The following UGT1A8 variants were observed in gnomAD, a reference collection of about 807,000 sequenced individuals.
The protein encoded by UGT1A8 is UDP-glucuronosyltransferase 1A8.
In UGT1A8, 39 loss-of-function variants were observed where a neutral mutation model predicts 45.3. The ratio of observed to expected loss-of-function variants is 0.86; its 90% CI spans 0.67 to 1.12. UGT1A8 has a LOEUF of 1.12. Among genes scored for constraint, UGT1A8 ranks in the 50% most tolerant of loss-of-function variants. UGT1A8 has a pLI of 0.00. For missense variants in UGT1A8, 719 were observed against 664.9 expected (o/e 1.08, Z -0.90); for synonymous variants, 275 against 249.2 (o/e 1.10, Z -0.97).
chr2:233,722,391 C>T (rs1160586490), intron 1 of UGT1A8, among the ~76,000 whole-genome samples: 1 of 152,204 alleles, frequency 6.6e-6, no homozygotes, highest in African/African-American at 2.4e-5. Flanking sequence ...TCTTCTCCCT[C>T]TCTTTCTCCT....
chr2:233,767,743 A>G (rs543873419), intron 2 of UGT1A8, 106 bp from the exon 3 acceptor site: 2 of 1,585,594 alleles, frequency 1.3e-6, no homozygotes, highest in South Asian at 2.3e-5. Flanking sequence ...CACTCTGTTA[A>G]AGACTGTTCC....
intron 1 of UGT1A8, among the ~76,000 whole-genome samples, chr2:233,711,601 C>T (rs185037582): frequency 2.0e-5 from 3 of 152,298 alleles, no homozygotes; most frequent in Admixed American, 1.3e-4. Context: ...TTCCTGCCTG[C>T]GCCCTCTGGT....
At chr2:233,729,570 G>T (rs1300116271) in intron 1 of UGT1A8, 1 of 1,613,988 alleles carries the variant, frequency 6.2e-7, no homozygotes, top group Non-Finnish European at 8.5e-7. Flanking sequence ...CCTTTGATGT[G>T]GTTTTAACAG....
Position 233,692,066 on chromosome 2 carries a change from GGAGA to G in UGT1A8, c.855+73511_855+73514del, listed in dbSNP as rs570948190. On this transcript the variant is annotated intron_variant, in intron 1 of 4. Transcript: ENST00000373450. Reference sequence around the variant, plus strand: ...AACCCTTGCGATTAGAGGGAAGAAAGGAGAGAGAGATTGAAGATTGATTTGATCA... The same window carrying G: ...AACCCTTGCGATTAGAGGGAAGAAAGGAGAGATTGAAGATTGATTTGATCA... 4.2e-3 allele frequency: 635 copies of G among 152,292 alleles called. 4 individuals carry two copies. Among genetic ancestry groups the G allele is most frequent in the African/African-American group, 7.4e-3 (309 of 41,550 alleles). The allele number at this position is 152,292 out of a possible 1,614,324, so 9.4% of individuals were successfully genotyped here. A position where few individuals can be genotyped will look rare whatever the true frequency, so the allele number is the denominator to read the frequency against.
chr2:233,646,107 G>C (rs1254383304), intron 1 of UGT1A8, among the ~76,000 whole-genome samples: 3 of 152,156 alleles, frequency 2.0e-5, no homozygotes, highest in African/African-American at 4.8e-5. Flanking sequence ...AGCTGCCAAG[G>C]CTCGGCACTT....
intron 1 of UGT1A8, among the ~76,000 whole-genome samples, chr2:233,624,026 G>A (rs2073055275): frequency 1.3e-5 from 2 of 152,126 alleles, no homozygotes; most frequent in African/African-American, 4.8e-5. Flanking sequence ...TAGCAAGGTT[G>A]CAACAAATAG....
At chr2:233,691,718 G>T in intron 1 of UGT1A8, 1 of 898,996 alleles carries the variant, frequency 1.1e-6, no homozygotes, top group South Asian at 5.1e-5. Context: ...CTGGCAGATG[G>T]GTGGCTGGGC....
intron 1 of UGT1A8, among the ~76,000 whole-genome samples, chr2:233,677,328 T>C (rs922470813): frequency 6.6e-6 from 1 of 152,144 alleles, no homozygotes; most frequent in African/African-American, 2.4e-5. Flanking sequence ...TCATTGCTAG[T>C]ATAGTTGACC....
rs771993243 is a variant in UGT1A8 at position 233,755,018 on chromosome 2, C to G, written c.856-12016C>G. 2.3e-6 allele frequency: 3 copies of G among 1,302,150 alleles called. No homozygotes were observed. In the South Asian group the frequency reaches 3.5e-5, roughly 15 times the overall value. The allele number at this position is 1,302,150 out of a possible 1,614,324, so 80.7% of individuals were successfully genotyped here. ...AGCTGAAGACCTACTCGAAGGGGTCCTTGAAGGGCCTGCCGCCTGCGCAGC... is the reference window on the plus strand; with the variant it reads ...AGCTGAAGACCTACTCGAAGGGGTCGTTGAAGGGCCTGCCGCCTGCGCAGC... On this transcript the variant is annotated intron_variant, in intron 1 of 4. Transcript: ENST00000373450.
chr2:233,649,037 G>T, intron 1 of UGT1A8: 6 of 1,154,032 alleles, frequency 5.2e-6, no homozygotes, highest in Non-Finnish European at 7.1e-6. Flanking sequence ...GTAAGTCATT[G>T]CTCCTTTAGC....
intron 1 of UGT1A8, among the ~76,000 whole-genome samples, chr2:233,633,573 C>A (rs1361100796): frequency 6.6e-6 from 1 of 152,124 alleles, no homozygotes; most frequent in Non-Finnish European, 1.5e-5. Context: ...TCCATTTCTC[C>A]TAGAATGTCT....
intron 1 of UGT1A8, chr2:233,753,459 T>G (rs1411436879): frequency 6.6e-6 from 1 of 152,232 alleles, no homozygotes; most frequent in Non-Finnish European, 1.5e-5. Context: ...CCATGATTTT[T>G]CTGTAAAAAA....
At chr2:233,693,802 G>A (rs761878719) in intron 1 of UGT1A8, 25 of 1,613,988 alleles carry the variant, frequency 1.5e-5, no homozygotes, top group Admixed American at 1.0e-4. Context: ...ATCCTAGGCC[G>A]GTCATGCCCA....
At chr2:233,664,142 C>G (rs2074030284) in intron 1 of UGT1A8, among the ~76,000 whole-genome samples, 1 of 152,130 alleles carries the variant, frequency 6.6e-6, no homozygotes, top group South Asian at 2.1e-4. Flanking sequence ...GCTCAAGTTC[C>G]AAATAACTTC....
chr2:233,685,608 A>G (rs1180252725), intron 1 of UGT1A8, among the ~76,000 whole-genome samples: 1 of 152,228 alleles, frequency 6.6e-6, no homozygotes, highest in Non-Finnish European at 1.5e-5. Flanking sequence ...AAGATTATTT[A>G]TTTCAACTTT....
intron 1 of UGT1A8, chr2:233,682,115 C>T (rs2074558733): frequency 1.2e-6 from 2 of 1,614,154 alleles, no homozygotes; most frequent in Non-Finnish European, 1.7e-6. Flanking sequence ...CGTAGTCATG[C>T]CAGAGGTGAG....
chr2:233,744,158 C>T (rs1163100045), intron 1 of UGT1A8: 5 of 297,370 alleles, frequency 1.7e-5, no homozygotes, highest in Admixed American at 4.5e-5. Context: ...GACCAGGCCC[C>T]GCCCACTCCG....
intron 1 of UGT1A8, among the ~76,000 whole-genome samples, chr2:233,644,525 C>T (rs753319699): frequency 1.3e-5 from 2 of 152,130 alleles, no homozygotes; most frequent in Non-Finnish European, 2.9e-5. Flanking sequence ...CATACCACTG[C>T]ACTCCAGCCT....
chr2:233,636,678 G>A (rs1204157509), intron 1 of UGT1A8: 12 of 1,614,178 alleles, frequency 7.4e-6, no homozygotes, highest in Middle Eastern at 3.3e-4. Flanking sequence ...TCCTCAGGGG[G>A]CATGAGGTGG....
Sources: gnomAD v4.1 joint callset for allele counts (sites outside exome capture counted in the v4.1 genomes callset) on GRCh38, gnomAD v4.1.1 for gene constraint, MANE v1.5 for transcripts, NCBI Gene and HGNC (gene_info 2026-07-23, HGNC 2026-07-21) for gene names.